LRP4: variants seen among roughly 807,000 people sequenced by gnomAD.
LRP4 encodes LDL receptor related protein 4, also known as low-density lipoprotein receptor-related protein 4.
In LRP4, 95 loss-of-function variants were observed where a neutral mutation model predicts 220.3. That is an observed-to-expected ratio of 0.43 (90% CI 0.37 to 0.51). LRP4 has a LOEUF of 0.51. LRP4 is among the 20% of genes least tolerant of loss of function. LRP4 has a pLI of 0.00. For synonymous variants in LRP4, 903 were observed against 954.6 expected (o/e 0.95, Z 1.00); for missense variants, 1,925 against 2,567.0 (o/e 0.75, Z 5.40).
chr11:46,891,988 T>C (rs929224936), intron 13 of LRP4, among the ~76,000 whole-genome samples: 3 of 152,202 alleles, frequency 2.0e-5, no homozygotes, highest in Non-Finnish European at 4.4e-5. Flanking sequence ...TGGAGGTCAC[T>C]GTTGCAATCA....
In LRP4 at chr11:46,914,126, T is replaced by C. The variant is rs144768141; in HGVS notation, c.52+4202A>G. 4.1e-3 allele frequency among the ~76,000 whole-genome samples: 625 copies of C among 152,158 alleles called. 5 individuals carry two copies. The highest frequency in any genetic ancestry group is 0.014 in the African/African-American group (568 of 41,410). ...AGTAGTTGCCAAGCTCTGTGCTGCA[T>C]AGTTTGAACATGCTATTATCTCAGG... On this transcript the variant is annotated intron_variant, in intron 1 of 37. Transcript: ENST00000378623.
chr11:46,906,807 A>G (rs187545462), intron 1 of LRP4, among the ~76,000 whole-genome samples: 3 of 152,268 alleles, frequency 2.0e-5, no homozygotes, highest in African/African-American at 7.2e-5. Flanking sequence ...GGAACAAAGC[A>G]TTCCATCGGT....
In LRP4 at chr11:46,893,038, G is replaced by A; in HGVS notation, c.1632C>T (p.His544=). The change falls in exon 13 of 38, where the codon CAC becomes CAT. Residue 544 remains histidine (H), a synonymous_variant. Transcript: ENST00000378623. ...RIEVANLDGA[H]RKVLLWQNLE... ...GGTTCTGCCACAGCAACACTTTCCG[G>A]TGGGCCCCATCCAGATTGGCCACCT... The A allele has an allele frequency of 6.2e-7, 1 of 1,614,088 alleles. No individual in the cohort carries two copies. Among genetic ancestry groups the A allele is most frequent in the Non-Finnish European group, 8.5e-7 (1 of 1,179,984 alleles).
chr11:46,909,576 C>A (rs1471339423), intron 1 of LRP4, among the ~76,000 whole-genome samples: 2 of 102,424 alleles, frequency 2.0e-5, no homozygotes, highest in Non-Finnish European at 3.6e-5. Flanking sequence ...CTGCAGTCCG[C>A]AGTCCGGCCT....
At chr11:46,900,222 G>A (rs1187063047) in intron 3 of LRP4, 40 bp downstream of exon 3, 2 of 1,449,506 alleles carry the variant, frequency 1.4e-6, no homozygotes, top group Non-Finnish European at 1.9e-6. Context: ...TTTCCCAGTG[G>A]AACTCAATGG....
At chr11:46,865,563 C>T (rs950061368) in intron 34 of LRP4, among the ~76,000 whole-genome samples, 1 of 152,178 alleles carries the variant, frequency 6.6e-6, no homozygotes, top group African/African-American at 2.4e-5. Flanking sequence ...AAAATTATCA[C>T]AAGAGCTAAA....
intron 16 of LRP4, among the ~76,000 whole-genome samples, chr11:46,888,811 C>T (rs1248534173): frequency 3.9e-5 from 6 of 152,082 alleles, no homozygotes; most frequent in Admixed American, 6.6e-5. Context: ...GCCCGGACCG[C>T]TCCTCTCTGG....
At chr11:46,896,155 T>C in intron 9 of LRP4, 55 bp downstream of exon 9, 10 of 1,611,132 alleles carry the variant, frequency 6.2e-6, no homozygotes, top group Non-Finnish European at 8.5e-6. Flanking sequence ...TTGAACCCTA[T>C]GGGTGGGGTT....
chr11:46,902,220 A>G (rs1044687727), intron 2 of LRP4, among the ~76,000 whole-genome samples: 4 of 151,746 alleles, frequency 2.6e-5, no homozygotes, highest in Non-Finnish European at 5.9e-5. Flanking sequence ...TTAGCTGGGC[A>G]TGGTGGCACA....
intron 11 of LRP4, 125 bp downstream of exon 11, chr11:46,895,041 C>T: frequency 7.2e-7 from 1 of 1,394,522 alleles, no homozygotes; most frequent in Non-Finnish European, 1.0e-6. Context: ...CAGAATGCAA[C>T]TGTTGCTGCA....
Position 46,875,574 on chromosome 11 carries a change from G to A in LRP4, c.3807C>T (p.Asp1269=), listed in dbSNP as rs769454118. 5 of 1,613,986 alleles carry A rather than the reference G, an allele frequency of 3.1e-6. No homozygotes were observed. Among genetic ancestry groups the A allele is most frequent in the Non-Finnish European group, 4.2e-6 (5 of 1,180,016 alleles). Residue 1269 remains aspartate, a synonymous_variant, in exon 27 of 38, where the codon GAC becomes GAT. Transcript: ENST00000378623. The surrounding 1 kb of genome is among the most constrained non-coding windows in gnomAD (Gnocchi z 4.5). ...CACGGTGGATGCTCCGAGTCTGCCA[G>A]TCAGTCCAGTAGATATAGGAGTCGA... is the stretch of plus-strand genomic sequence containing the variant. ...TLLDSYIYWT[D]WQTRSIHRAD... is the part of the protein sequence containing the mutation.
intron 1 of LRP4, among the ~76,000 whole-genome samples, chr11:46,910,078 C>T (rs774685152): frequency 2.0e-5 from 3 of 152,304 alleles, no homozygotes; most frequent in Middle Eastern, 3.4e-3. Context: ...GTCTTCTCCT[C>T]AGTGGCCCGT....
chr11:46,861,220 C>T (rs887368331), intron 37 of LRP4, among the ~76,000 whole-genome samples: 3 of 152,006 alleles, frequency 2.0e-5, no homozygotes, highest in African/African-American at 7.2e-5. Flanking sequence ...TTTTTAATTT[C>T]AATTTTTTTT....
Position 46,869,050 on chromosome 11 carries a change from G to C in LRP4, c.4775C>G (p.Thr1592Arg). The C allele has an allele frequency of 6.2e-7, 1 of 1,614,154 alleles. No homozygotes were observed. Among genetic ancestry groups the C allele is most frequent in the East Asian group, 2.2e-5 (1 of 44,878 alleles). The change falls in exon 32 of 38, where the codon ACA becomes AGA. Residue 1592 changes from threonine to arginine, a missense_variant. Around this residue, in one of 3 missense-constraint regions of LRP4, gnomAD observed 1,244 missense variants for 1,624.9 expected, o/e 0.77. Transcript: ENST00000378623. Reference protein sequence around the residue: ...VDKYSGRNKETVLANVEGLMD... With the variant: ...VDKYSGRNKERVLANVEGLMD... Reference sequence around the variant, plus strand: ...GAGTCCTTCCACATTTGCCAGCACTGTCTCCTTGTTCCGGCCTGAGTATTT... The same window carrying C: ...GAGTCCTTCCACATTTGCCAGCACTCTCTCCTTGTTCCGGCCTGAGTATTT...
intron 1 of LRP4, among the ~76,000 whole-genome samples, chr11:46,906,413 G>A (rs1475922773): frequency 1.3e-5 from 2 of 151,250 alleles, no homozygotes; most frequent in Non-Finnish European, 2.9e-5. Context: ...CAGAGATCAC[G>A]CCACTGCACT....
intron 10 of LRP4, among the ~76,000 whole-genome samples, chr11:46,895,664 G>C (rs866765161): frequency 5.1e-4 from 78 of 152,358 alleles, no homozygotes; most frequent in African/African-American, 1.8e-3. Flanking sequence ...TCCCAACTCT[G>C]CTACTCGCCA....
At position 46,896,325 on chromosome 11, in the gene LRP4, T is replaced by G. The variant is rs375108263; in HGVS notation, c.933A>C (p.Gln311His). The G allele has an allele frequency of 6.2e-7, 1 of 1,613,796 alleles. No individual in the cohort carries two copies. Among genetic ancestry groups the G allele is most frequent in the South Asian group, 1.1e-5 (1 of 91,082 alleles). ...AACACAGGAACTGGTCCAAGGCACA[T>G]TGGGGGCTTCCTAGAGAGATGGAGG... is the stretch of plus-strand genomic sequence containing the variant. ...EENCENTGSP[Q>H]CALDQFLCWN... The change falls in exon 9 of 38, where the codon CAA becomes CAC. Residue 311 changes from glutamine (Q) to histidine (H), a missense_variant. Around this residue, in one of 3 missense-constraint regions of LRP4, gnomAD observed 412 missense variants for 505.4 expected, o/e 0.82. Transcript: ENST00000378623.
At position 46,875,654 on chromosome 11, in the gene LRP4, C is replaced by T; in HGVS notation, c.3727G>A (p.Ala1243Thr). Residue 1243 changes from alanine (A) to threonine (T), a missense_variant, in exon 27 of 38, where the codon GCC becomes ACC. This residue lies in a region of LRP4 where 1,244 missense variants were observed against 1,624.9 expected (regional missense o/e 0.77). Transcript: ENST00000378623. The surrounding 1 kb of genome is among the most constrained non-coding windows in gnomAD (Gnocchi z 4.5). ...ERIEAADLNG[A>T]NRHTLVSPVQ... The stretch of plus-strand genomic sequence containing the variant: ...GGTGACACCAATGTATGCCGATTGG[C>T]ACCATTCAGGTCAGCAGCCTCAATT... The T allele has an allele frequency of 6.2e-7, 1 of 1,614,160 alleles. No individual in the cohort carries two copies. The highest frequency in any genetic ancestry group is 8.5e-7 in the Non-Finnish European group (1 of 1,180,006).
intron 1 of LRP4, among the ~76,000 whole-genome samples, chr11:46,905,277 C>G (rs75993761): frequency 0.023 from 3,493 of 152,314 alleles, 128 homozygotes; most frequent in African/African-American, 0.079. Context: ...AGTAGTATGA[C>G]AGGCTCAGCA....
Sources: allele counts gnomAD v4.1 joint callset (sites outside exome capture counted in the v4.1 genomes callset), GRCh38; gene constraint gnomAD v4.1.1; regional missense constraint gnomAD v4.1.1; non-coding constraint Gnocchi (gnomAD v3.1); transcripts MANE v1.5; gene names NCBI Gene and HGNC (gene_info 2026-07-23, HGNC 2026-07-21).